The following PATJ variants were observed in gnomAD, a reference collection of about 807,000 sequenced individuals.
The protein encoded by PATJ is inaD-like protein.
PATJ carries 190 observed loss-of-function variants against 224.9 expected under a neutral mutation model. The observed-to-expected ratio is 0.84, with a 90% confidence interval of 0.75 to 0.95. The LOEUF is 0.95. PATJ is among the 40% of genes least tolerant of loss of function. The pLI, the probability that PATJ is intolerant of heterozygous loss-of-function variation, is 0.00. For synonymous variants in PATJ, 769 were observed against 820.3 expected (o/e 0.94, Z 1.07); for missense variants, 2,121 against 2,270.3 (o/e 0.93, Z 1.34).
At chr1:61,937,901 C>T (rs1452763839) in intron 27 of PATJ, among the ~76,000 whole-genome samples, 3 of 152,188 alleles carry the variant, frequency 2.0e-5, no homozygotes, top group Non-Finnish European at 2.9e-5. Context: ...CCACCTGCCT[C>T]GGCCTCCCAG....
At chr1:61,784,290 G>C (rs1648030448) in intron 7 of PATJ, among the ~76,000 whole-genome samples, 1 of 152,196 alleles carries the variant, frequency 6.6e-6, no homozygotes, top group Admixed American at 6.5e-5. Context: ...AAGAACAAAA[G>C]GGACTTTATG....
At chr1:62,025,716 A>C (rs2148439839) in intron 29 of PATJ, among the ~76,000 whole-genome samples, 1 of 152,284 alleles carries the variant, frequency 6.6e-6, no homozygotes, top group Admixed American at 6.5e-5. Flanking sequence ...CCAGCTGCTC[A>C]AGAGACGGAG....
At chr1:62,067,123 C>CTTT (rs11381578) in intron 31 of PATJ, among the ~76,000 whole-genome samples, 84 of 116,446 alleles carry the variant, frequency 7.2e-4, no homozygotes, top group East Asian at 1.4e-3. Context: ...CCTATTCTTT[C>CTTT]TTTTTTTTTT....
chr1:62,013,538 G>A (rs1231882573), intron 28 of PATJ: 1 of 977,880 alleles, frequency 1.0e-6, no homozygotes, highest in African/African-American at 1.8e-5. Context: ...AGTAGGTGTT[G>A]CGTGCCTGCG....
Position 62,155,496 on chromosome 1 carries a change from C to T in PATJ, c.5502+2015C>T, listed in dbSNP as rs534405984. 5.3e-5 allele frequency among the ~76,000 whole-genome samples: 8 copies of T among 152,210 alleles called. No homozygotes were observed. In the East Asian group the frequency reaches 1.5e-3, roughly 29 times the overall value. On this transcript the variant is annotated intron_variant, in intron 43 of 43. Transcript: ENST00000642238. ...TTTTAAAAGAACCCACCAGCATCCACACAGTGGGACAAGAGTAGTGGGAAT... is the reference window on the plus strand; with the variant it reads ...TTTTAAAAGAACCCACCAGCATCCATACAGTGGGACAAGAGTAGTGGGAAT...
At chr1:61,789,995 A>G (rs1649437493) in intron 8 of PATJ, among the ~76,000 whole-genome samples, 1 of 152,150 alleles carries the variant, frequency 6.6e-6, no homozygotes, top group Non-Finnish European at 1.5e-5. Flanking sequence ...AGTATTATGT[A>G]TTTAGACACC....
chr1:62,160,964 T>G lies in PATJ; in HGVS notation c.5559T>G (p.Asn1853Lys). The stretch of plus-strand genomic sequence containing the variant: ...GAGGGGATCAGATTTTAGCTGTTAA[T>G]GGCGAGACCCTGGAAGGTGTTACTC... Reference protein sequence around the residue: ...LKRGDQILAVNGETLEGVTHE... With the variant: ...LKRGDQILAVKGETLEGVTHE... Residue 1853 changes from asparagine to lysine, a missense_variant, in exon 44 of 44, where the codon AAT (asparagine) becomes AAG (lysine). By Grantham distance (94) the Asn-to-Lys change is moderately conservative. Transcript: ENST00000642238. 2.5e-6 allele frequency: 4 copies of G among 1,614,000 alleles called. No homozygotes were observed. The highest frequency in any genetic ancestry group is 3.4e-6 in the Non-Finnish European group (4 of 1,179,984).
intron 32 of PATJ, 45 bp from the exon 33 acceptor site, chr1:62,084,470 T>C: frequency 6.3e-7 from 1 of 1,582,550 alleles, no homozygotes; most frequent in Non-Finnish European, 8.6e-7. Flanking sequence ...CAGGCTGAGC[T>C]GCAGCTCTTA....
chr1:62,008,261 G>A (rs1325522022), intron 28 of PATJ, among the ~76,000 whole-genome samples: 1 of 152,156 alleles, frequency 6.6e-6, no homozygotes, highest in East Asian at 1.9e-4. Context: ...TGGTATTTGT[G>A]ATGAGAGGAT....
At chr1:61,775,817 TA>T (rs535650833) in intron 7 of PATJ, among the ~76,000 whole-genome samples, 17 of 152,264 alleles carry the variant, frequency 1.1e-4, no homozygotes, top group African/African-American at 3.9e-4. Flanking sequence ...AGTGGGCTAT[TA>T]AAAAAATTAG....
At chr1:61,995,865 T>G (rs962280953) in intron 28 of PATJ, among the ~76,000 whole-genome samples, 1 of 152,154 alleles carries the variant, frequency 6.6e-6, no homozygotes, top group East Asian at 1.9e-4. Context: ...CAGGATTCAT[T>G]TATAATCTTC....
intron 3 of PATJ, among the ~76,000 whole-genome samples, chr1:61,764,157 C>T (rs191956201): frequency 5.9e-5 from 9 of 152,134 alleles, no homozygotes; most frequent in Admixed American, 4.6e-4. Context: ...CTCGCCCGGC[C>T]GAAGTCTTTT....
In PATJ at chr1:61,742,880, C is replaced by T. The variant is rs186589215; in HGVS notation, c.-36+325C>T. On this transcript the variant is annotated intron_variant, in intron 1 of 43. Coordinates refer to ENST00000642238, the MANE Select transcript of PATJ (RefSeq NM_001350145.3). ...CGCCGCGCAGGGCTCGCCGAGGCCGCGGGCAGGGAGGGGCGCCGCCCCGCC... is the reference window on the plus strand; with the variant it reads ...CGCCGCGCAGGGCTCGCCGAGGCCGTGGGCAGGGAGGGGCGCCGCCCCGCC... 3.8e-3 allele frequency among the ~76,000 whole-genome samples: 583 copies of T among 151,696 alleles called. 3 individuals are homozygous for T. The highest frequency in any genetic ancestry group is 0.013 in the African/African-American group (554 of 41,446).
At chr1:61,859,733 C>T (rs1664261883) in intron 18 of PATJ, among the ~76,000 whole-genome samples, 1 of 152,134 alleles carries the variant, frequency 6.6e-6, no homozygotes, top group African/African-American at 2.4e-5. Flanking sequence ...GATTCTTCTG[C>T]CTCAGCCTCC....
chr1:62,072,212 A>C (rs1433687031), intron 31 of PATJ, among the ~76,000 whole-genome samples: 1 of 152,136 alleles, frequency 6.6e-6, no homozygotes, highest in African/African-American at 2.4e-5. Flanking sequence ...GATTCTCCCA[A>C]GTCTGGATTC....
rs1261319677 is a variant in PATJ, at chr1:61,787,915, T to C, written c.1011T>C (p.Pro337=). ...DPAGDISVTP[P]APAALPVALP... ...CTGGTGACATTTCAGTCACCCCCCC[T>C]GCCCCTGCAGCCTTACCTGTTGCCC... The change falls in exon 8 of 44, where the codon CCT becomes CCC. Residue 337 remains proline, a synonymous_variant. Coordinates refer to ENST00000642238, the MANE Select transcript of PATJ (RefSeq NM_001350145.3). The C allele has an allele frequency of 1.9e-6, 3 of 1,614,024 alleles. No homozygotes were observed. The highest frequency in any genetic ancestry group is 1.7e-6 in the Non-Finnish European group (2 of 1,180,012).
chr1:62,141,720 C>T (rs1293294445), intron 41 of PATJ, among the ~76,000 whole-genome samples: 2 of 148,620 alleles, frequency 1.3e-5, no homozygotes, highest in African/African-American at 5.0e-5. Context: ...TTTGGGAGGC[C>T]AGCACTTTGG....
chr1:62,101,942 A>G (rs561141998), intron 33 of PATJ, among the ~76,000 whole-genome samples: 1 of 152,168 alleles, frequency 6.6e-6, no homozygotes, highest in South Asian at 2.1e-4. Context: ...ACTTTAGTAG[A>G]CTGAGACAGA....
In PATJ at chr1:61,992,548, C is replaced by T. The variant is rs148725303; in HGVS notation, c.3867+2184C>T. On this transcript the variant is annotated intron_variant, in intron 28 of 43. Coordinates refer to ENST00000642238, the MANE Select transcript of PATJ (RefSeq NM_001350145.3). ...GTTATACATATCTAGACAGAGATTT[C>T]CTGTCTTGCTTGGTACATGGAAATA... is the stretch of plus-strand genomic sequence containing the variant. 6.2e-4 allele frequency among the ~76,000 whole-genome samples: 95 copies of T among 152,268 alleles called. No homozygotes were observed. In the East Asian group the frequency reaches 0.017, roughly 27 times the overall value.
Sources: allele counts gnomAD v4.1 joint callset (sites outside exome capture counted in the v4.1 genomes callset), GRCh38; gene constraint gnomAD v4.1.1; transcripts MANE v1.5; gene names NCBI Gene and HGNC (gene_info 2026-07-23, HGNC 2026-07-21).